The following LRRTM4 variants were observed in gnomAD, a reference collection of about 807,000 sequenced individuals.
LRRTM4 encodes the protein leucine rich repeat transmembrane neuronal 4, also known as leucine-rich repeat transmembrane neuronal protein 4.
LRRTM4 carries 25 observed loss-of-function variants against 47.6 expected under a neutral mutation model. That is an observed-to-expected ratio of 0.53 (90% confidence interval 0.38 to 0.73). LRRTM4 has a LOEUF of 0.73. Among genes scored for constraint, LRRTM4 ranks in the 30% least tolerant of loss-of-function variants. The probability of loss-of-function intolerance (pLI) is 0.00; values close to 1 mark genes in which losing one functional copy is unlikely to be tolerated. For missense variants in LRRTM4, 638 were observed against 713.4 expected (o/e 0.89, Z 1.20); for synonymous variants, 311 against 269.5 (o/e 1.15, Z -1.51).
intron 3 of LRRTM4, among the ~76,000 whole-genome samples, chr2:76,844,671 G>C (rs1488025160): frequency 6.6e-6 from 1 of 152,084 alleles, no homozygotes; most frequent in African/African-American, 2.4e-5. Context: ...AATTCTAAAA[G>C]CATGTGACCA....
intron 3 of LRRTM4, among the ~76,000 whole-genome samples, chr2:76,977,939 T>G (rs1435092914): frequency 6.6e-6 from 1 of 152,018 alleles, no homozygotes; most frequent in African/African-American, 2.4e-5. Context: ...ACTGAAAGGC[T>G]TGCTGAGCCA....
chr2:77,332,654 AG>A (rs1460477991), intron 3 of LRRTM4, among the ~76,000 whole-genome samples: 6 of 152,194 alleles, frequency 3.9e-5, no homozygotes, highest in African/African-American at 1.4e-4. Flanking sequence ...TATCTTCTTC[AG>A]TAATAATATT....
chr2:77,279,456 T>C (rs991042749), intron 3 of LRRTM4, among the ~76,000 whole-genome samples: 150 of 152,094 alleles, frequency 9.9e-4, no homozygotes, highest in African/African-American at 3.5e-3. Flanking sequence ...GTTCCAGTTG[T>C]CTACATTTCT....
At chr2:77,431,095 C>T (rs1558740412) in intron 3 of LRRTM4, among the ~76,000 whole-genome samples, 1 of 148,746 alleles carries the variant, frequency 6.7e-6, no homozygotes, top group East Asian at 1.9e-4. Flanking sequence ...TTGGTTTCCC[C>T]GGTTCTTCGA....
chr2:77,301,670 A>G (rs1677136318), intron 3 of LRRTM4, among the ~76,000 whole-genome samples: 1 of 152,204 alleles, frequency 6.6e-6, no homozygotes, highest in Non-Finnish European at 1.5e-5. Context: ...CACCAGAGGA[A>G]TGCAGGAGGC....
intron 3 of LRRTM4, among the ~76,000 whole-genome samples, chr2:76,770,586 C>G (rs1476289525): frequency 6.6e-6 from 1 of 152,128 alleles, no homozygotes. Context: ...AGTATTTTTG[C>G]TTGTTTCTTT....
chr2:77,083,585 A>G (rs188828319), intron 3 of LRRTM4, among the ~76,000 whole-genome samples: 14 of 152,198 alleles, frequency 9.2e-5, no homozygotes, highest in Admixed American at 9.2e-4. Context: ...TGAATATTAG[A>G]TAGTCAAGTA....
intron 3 of LRRTM4, among the ~76,000 whole-genome samples, chr2:76,846,352 G>A (rs1671837235): frequency 6.6e-6 from 1 of 152,070 alleles, no homozygotes; most frequent in South Asian, 2.1e-4. Flanking sequence ...TGGTCCCGGT[G>A]CCATAAACAA....
At chr2:77,492,338 T>A (rs918061036) in intron 3 of LRRTM4, among the ~76,000 whole-genome samples, 1 of 152,170 alleles carries the variant, frequency 6.6e-6, no homozygotes, top group Non-Finnish European at 1.5e-5. Flanking sequence ...TAGCTGACTG[T>A]CACCTCGAAC....
chr2:76,831,112 CTTTAAT>C (rs1454060622), intron 3 of LRRTM4, among the ~76,000 whole-genome samples: 1 of 151,992 alleles, frequency 6.6e-6, no homozygotes, highest in East Asian at 1.9e-4. Context: ...GATTGCCTTT[CTTTAAT>C]TTTATTTGTA....
intron 3 of LRRTM4, among the ~76,000 whole-genome samples, chr2:76,976,689 G>A (rs1158432801): frequency 6.6e-6 from 1 of 151,672 alleles, no homozygotes; most frequent in Non-Finnish European, 1.5e-5. Context: ...TGGGTATTAG[G>A]GGCTGGGATA....
Position 77,295,824 on chromosome 2 carries a change from A to G in LRRTM4, c.1551+222494T>C, listed in dbSNP as rs147805679. 1.2e-3 allele frequency among the ~76,000 whole-genome samples: 183 copies of G among 152,240 alleles called. 1 individual carries two copies. Among genetic ancestry groups the G allele is most frequent in the African/African-American group, 4.2e-3 (173 of 41,534 alleles). On this transcript the variant is annotated intron_variant, in intron 3 of 3. Coordinates refer to ENST00000409884, the MANE Select transcript of LRRTM4 (RefSeq NM_001134745.3). ...GATGAGGGCCCACTCTAATTACCTC[A>G]TTTTAATTTAATTGCTTCTTTAAAG...
At chr2:77,518,220 A>G (rs533626980) in intron 3 of LRRTM4, 98 bp downstream of exon 3, 316 of 1,396,040 alleles carry the variant, frequency 2.3e-4, no homozygotes, top group Non-Finnish European at 2.8e-4. Context: ...CAAAAGGGTC[A>G]TTAATCTTTC....
At chr2:76,759,467 T>A (rs868168199) in intron 3 of LRRTM4, among the ~76,000 whole-genome samples, 5 of 152,240 alleles carry the variant, frequency 3.3e-5, no homozygotes, top group African/African-American at 1.2e-4. Context: ...CCCACTGACC[T>A]TTTAGAGACG....
rs934988740 is a variant in LRRTM4 at position 76,794,822 on chromosome 2, C to A, written c.1552-45906G>T. On this transcript the variant is annotated intron_variant, in intron 3 of 3. Coordinates refer to ENST00000409884, the MANE Select transcript of LRRTM4 (RefSeq NM_001134745.3). ...AGTAGCATCAATCCCCCAAGTCAGACAATGAAACTGACCCTACTTATTGCC... is the reference window on the plus strand; with the variant it reads ...AGTAGCATCAATCCCCCAAGTCAGAAAATGAAACTGACCCTACTTATTGCC... Among the ~76,000 whole-genome samples the A allele has an allele frequency of 2.0e-5, 3 of 152,084 alleles. No individual in the cohort carries two copies. The East Asian group carries it at 5.8e-4, about 29-fold the overall frequency.
At chr2:77,000,801 C>T (rs1043472904) in intron 3 of LRRTM4, among the ~76,000 whole-genome samples, 2 of 151,856 alleles carry the variant, frequency 1.3e-5, no homozygotes, top group African/African-American at 2.4e-5. Flanking sequence ...AGGAAGATTC[C>T]TTTTTTTCTT....
chr2:77,339,097 A>G (rs984851997), intron 3 of LRRTM4, among the ~76,000 whole-genome samples: 1 of 151,828 alleles, frequency 6.6e-6, no homozygotes, highest in Non-Finnish European at 1.5e-5. Flanking sequence ...GGACTCCAAA[A>G]AGAGGGAATG....
intron 3 of LRRTM4, among the ~76,000 whole-genome samples, chr2:77,194,547 A>C (rs1673760766): frequency 6.6e-6 from 1 of 152,212 alleles, no homozygotes; most frequent in Non-Finnish European, 1.5e-5. Flanking sequence ...AGAAGTTTCT[A>C]TCAAGTACTC....
At position 77,333,475 on chromosome 2, in the gene LRRTM4, G is replaced by A. The variant is rs557633655; in HGVS notation, c.1551+184843C>T. Among the ~76,000 whole-genome samples the A allele has an allele frequency of 5.3e-5, 8 of 152,334 alleles. No individual in the cohort carries two copies. The South Asian group carries it at 1.7e-3, about 32-fold the overall frequency. ...AGGGAAATTGGGAAATGGAACAAAA[G>A]TGACTTTTGTTATGTTTTAGCAAAG... On this transcript the variant is annotated intron_variant, in intron 3 of 3. Coordinates refer to ENST00000409884, the MANE Select transcript of LRRTM4 (RefSeq NM_001134745.3).
Sources: gnomAD v4.1 joint callset for allele counts (sites outside exome capture counted in the v4.1 genomes callset) on GRCh38, gnomAD v4.1.1 for gene constraint, MANE v1.5 for transcripts, NCBI Gene and HGNC (gene_info 2026-07-23, HGNC 2026-07-21) for gene names.